The following PRKACB variants were observed in gnomAD, a reference collection of about 807,000 sequenced individuals.
PRKACB encodes the protein cAMP-dependent protein kinase catalytic subunit beta.
In PRKACB, 16 loss-of-function variants were observed where a neutral mutation model predicts 51.4. The observed-to-expected ratio is 0.31, with a 90% CI of 0.21 to 0.47. The LOEUF (loss-of-function observed/expected upper bound fraction) is 0.47. PRKACB is among the 20% of genes least tolerant of loss of function. The probability of loss-of-function intolerance (pLI) is 1.00; values close to 1 mark genes in which losing one functional copy is unlikely to be tolerated. For synonymous variants in PRKACB, 147 were observed against 154.4 expected, an observed-to-expected ratio of 0.95 and a Z score of 0.35; for missense variants, 309 against 464.5, an observed-to-expected ratio of 0.67 and a Z score of 3.08.
intron 9 of PRKACB, among the ~76,000 whole-genome samples, chr1:84,227,363 C>A (rs896511243): frequency 2.0e-5 from 3 of 151,802 alleles, no homozygotes; most frequent in Admixed American, 1.3e-4. Flanking sequence ...CTTATATTAT[C>A]TTTATTGTTG....
At chr1:84,209,683 A>G (rs778014533) in intron 8 of PRKACB, among the ~76,000 whole-genome samples, 1 of 152,168 alleles carries the variant, frequency 6.6e-6, no homozygotes, top group Non-Finnish European at 1.5e-5. Context: ...GCAAAGTTTC[A>G]TGAAAAAGAT....
At chr1:84,129,691 C>T (rs1651983159) in intron 1 of PRKACB, among the ~76,000 whole-genome samples, 1 of 152,148 alleles carries the variant, frequency 6.6e-6, no homozygotes, top group African/African-American at 2.4e-5. Flanking sequence ...ATGCACATCA[C>T]TCTATTCCTC....
intron 1 of PRKACB, 62 bp downstream of exon 1, chr1:84,144,610 ACAAT>A (rs1304090491): frequency 6.9e-6 from 10 of 1,455,086 alleles, no homozygotes; most frequent in Non-Finnish European, 7.4e-6. Flanking sequence ...TTGGAGTTTT[ACAAT>A]CAAACATAAA....
At chr1:84,199,402 T>C (rs1168591670) in intron 7 of PRKACB, among the ~76,000 whole-genome samples, 6 of 152,084 alleles carry the variant, frequency 3.9e-5, no homozygotes, top group African/African-American at 1.4e-4. Context: ...AAACATGTGG[T>C]ATTTGGTTTT....
intron 1 of PRKACB, chr1:84,086,032 A>G: frequency 1.2e-6 from 1 of 856,602 alleles, no homozygotes; most frequent in South Asian, 1.4e-5. Context: ...GGCTGAGGTT[A>G]GAGAAGATGG....
upstream of PRKACB, among the ~76,000 whole-genome samples, chr1:84,143,421 A>G (rs768082373): frequency 2.6e-5 from 4 of 152,176 alleles, no homozygotes; most frequent in Non-Finnish European, 5.9e-5. Context: ...ACTGCACTCC[A>G]ATCTGGGAGA....
In PRKACB at chr1:84,144,541, C is replaced by A; in HGVS notation, c.180C>A (p.Asp60Glu). The A allele has an allele frequency of 1.9e-6, 3 of 1,579,612 alleles. No individual in the cohort carries two copies. The highest frequency in any genetic ancestry group is 2.6e-6 in the Non-Finnish European group (3 of 1,168,666). ...LHFSEHTALW[D>E]RSMKEFLAKA... ...TCTCTGAACATACTGCCTTATGGGA[C>A]AGATCAAGTAAGTTTTGTTTTTTAA... The change falls in exon 1 of 10, where the codon GAC (aspartate) becomes GAA (glutamate). Residue 60 changes from aspartate (D) to glutamate (E), a missense_variant. By Grantham distance (45) the Asp-to-Glu change is conservative. Around this residue, in one of 3 missense-constraint regions of PRKACB, gnomAD observed 153 missense variants for 190.2 expected, o/e 0.80. Transcript: ENST00000370685.
chr1:84,135,518 C>T (rs1383838302), intron 1 of PRKACB, among the ~76,000 whole-genome samples: 1 of 152,044 alleles, frequency 6.6e-6, no homozygotes, highest in Non-Finnish European at 1.5e-5. Context: ...CAAGATAGAC[C>T]ACATTCTTGG....
At chr1:84,116,856 G>A (rs1372995899) in intron 1 of PRKACB, among the ~76,000 whole-genome samples, 2 of 152,238 alleles carry the variant, frequency 1.3e-5, no homozygotes, top group East Asian at 1.9e-4. Context: ...GCACTGTGTC[G>A]AATAATAGTA....
At position 84,093,244 on chromosome 1, in the gene PRKACB, A is replaced by T. The variant is rs115858815; in HGVS notation, c.46+14873A>T. 4.1e-3 allele frequency among the ~76,000 whole-genome samples: 617 copies of T among 151,486 alleles called. 2 individuals are homozygous for T. The highest frequency in any genetic ancestry group is 7.5e-3 in the Non-Finnish European group (510 of 67,750). ...TTTTGCCTTTCATATTTAGAACTAC[A>T]GTCTGTCTGGAATCAAGTGTGTGCA... On this transcript the variant is annotated intron_variant, in intron 1 of 8. Coordinates refer to the PRKACB transcript ENST00000370688.
rs200046142 is a variant in PRKACB at position 84,184,143 on chromosome 1, T to C, written c.477+8T>C. Reference sequence around the variant, plus strand: ...CTGGAGTATGCTTTTAAGGTAAATTTTAGTAATATCTAAATAAGATATTTT... The same window carrying C: ...CTGGAGTATGCTTTTAAGGTAAATTCTAGTAATATCTAAATAAGATATTTT... On this transcript the variant is annotated splice_region_variant and intron_variant, in intron 4 of 9. Transcript: ENST00000370685. The C allele has an allele frequency of 1.9e-6, 3 of 1,591,742 alleles. No homozygotes were observed. The highest frequency in any genetic ancestry group is 2.6e-6 in the Non-Finnish European group (3 of 1,170,616).
At chr1:84,087,341 A>T (rs1250677402) in intron 1 of PRKACB, among the ~76,000 whole-genome samples, 1 of 152,136 alleles carries the variant, frequency 6.6e-6, no homozygotes, top group Non-Finnish European at 1.5e-5. Flanking sequence ...TTGAAACACT[A>T]GAACTCATGG....
chr1:84,157,618 T>C (rs901740227), intron 1 of PRKACB, among the ~76,000 whole-genome samples: 6 of 152,270 alleles, frequency 3.9e-5, no homozygotes, highest in Admixed American at 2.6e-4. Context: ...TAGATTTTCA[T>C]TTCTGGATGT....
chr1:84,111,337 C>G (rs538268991), intron 1 of PRKACB, among the ~76,000 whole-genome samples: 2 of 152,092 alleles, frequency 1.3e-5, no homozygotes, highest in African/African-American at 2.4e-5. Flanking sequence ...ATGAGTCTTT[C>G]TGTACTGCTA....
chr1:84,168,905 C>T (rs1340318170), intron 1 of PRKACB, among the ~76,000 whole-genome samples: 2 of 151,524 alleles, frequency 1.3e-5, no homozygotes, highest in Non-Finnish European at 3.0e-5. Flanking sequence ...TAGAAGGCAT[C>T]ACTACCAGCA....
chr1:84,122,113 C>T (rs998826320), intron 1 of PRKACB, among the ~76,000 whole-genome samples: 3 of 152,056 alleles, frequency 2.0e-5, no homozygotes, highest in Non-Finnish European at 4.4e-5. Context: ...TGACCTCCTG[C>T]CCTGAATGTG....
rs386467140 is a variant in PRKACB at position 84,186,032 on chromosome 1, A to G, written c.560+850A>G. Among the ~76,000 whole-genome samples the G allele has an allele frequency of 1.3e-3, 197 of 152,226 alleles. 2 individuals carry two copies. Among genetic ancestry groups the G allele is most frequent in the Non-Finnish European group, 2.3e-3 (157 of 67,988 alleles). On this transcript the variant is annotated intron_variant, in intron 5 of 9. Transcript: ENST00000370685. ...AAATTTTATGTTTATTTGTTTTGAA[A>G]CAAAGTTTACTAGCACTAGTTAAGT...
At chr1:84,225,891 C>T (rs1025588785) in intron 9 of PRKACB, among the ~76,000 whole-genome samples, 4 of 152,182 alleles carry the variant, frequency 2.6e-5, no homozygotes, top group African/African-American at 9.7e-5. Flanking sequence ...TGTTCCCTGT[C>T]ACTTCCCTGC....
intron 1 of PRKACB, among the ~76,000 whole-genome samples, chr1:84,080,866 C>T (rs1647478923): frequency 1.3e-5 from 2 of 150,910 alleles, no homozygotes; most frequent in South Asian, 4.1e-4. Flanking sequence ...GGACTCCATT[C>T]AGCATCAATA....
Sources: allele counts gnomAD v4.1 joint callset (sites outside exome capture counted in the v4.1 genomes callset), GRCh38; gene constraint gnomAD v4.1.1; regional missense constraint gnomAD v4.1.1; transcripts MANE v1.5; gene names NCBI Gene and HGNC (gene_info 2026-07-23, HGNC 2026-07-21).